The following FIRRM variants were observed in gnomAD, a reference collection of about 807,000 sequenced individuals.
FIRRM encodes the protein FIGNL1 interacting regulator of recombination and mitosis, also known as FIGNL1-interacting regulator of recombination and mitosis.
chr1:169,825,119 C>T, the FIRRM span, among the ~76,000 whole-genome samples: 1 of 152,166 alleles, frequency 6.6e-6, no homozygotes, highest in Non-Finnish European at 1.5e-5. Context: ...CTTCTCATCA[C>T]CTGAACTGCT....
At chr1:169,841,538 C>T in the FIRRM span, among the ~76,000 whole-genome samples, 1 of 152,148 alleles carries the variant, frequency 6.6e-6, no homozygotes, top group African/African-American at 2.4e-5. Context: ...CCCACCACAC[C>T]TCAAACAACC....
chr1:169,843,241 T>A, the FIRRM span, among the ~76,000 whole-genome samples: 1 of 152,242 alleles, frequency 6.6e-6, no homozygotes, highest in African/African-American at 2.4e-5. Flanking sequence ...TTTCCTGATG[T>A]TCACAAATCA....
At chr1:169,799,266 C>T in the FIRRM span, among the ~76,000 whole-genome samples, 1 of 152,212 alleles carries the variant, frequency 6.6e-6, no homozygotes. Context: ...ATGCAGTCTA[C>T]TGAATAGCTA....
At chr1:169,810,834 A>ATTTTTTTTTTTTTT in the FIRRM span, among the ~76,000 whole-genome samples, 18 of 61,208 alleles carry the variant, frequency 2.9e-4, 3 homozygotes, top group Non-Finnish European at 3.8e-4. Flanking sequence ...TTAGCCCCCA[A>ATTTTTTTTTTTTTT]TTTTTTTTTT....
chr1:169,812,594 A>G, the FIRRM span, among the ~76,000 whole-genome samples: 12 of 152,306 alleles, frequency 7.9e-5, no homozygotes, highest in South Asian at 2.1e-3. Context: ...GTGGTGACCC[A>G]TGGCTGTAAT....
chr1:169,843,287 T>G, the FIRRM span, among the ~76,000 whole-genome samples: 1 of 152,334 alleles, frequency 6.6e-6, no homozygotes, highest in African/African-American at 2.4e-5. Context: ...GCTGGAGATA[T>G]AGCTTACAAT....
chr1:169,837,331 T>C, the FIRRM span, among the ~76,000 whole-genome samples: 4 of 152,238 alleles, frequency 2.6e-5, no homozygotes, highest in African/African-American at 9.6e-5. Flanking sequence ...TTGTTTCCTA[T>C]GTCGCTTAAG....
At chr1:169,843,876 G>T in the FIRRM span, 1 of 676,362 alleles carries the variant, frequency 1.5e-6, no homozygotes, top group Admixed American at 2.4e-5. Context: ...TCCTCTTGTT[G>T]TGTCATATAT....
At chr1:169,853,199 G>A in the FIRRM span, 3 of 574,860 alleles carry the variant, frequency 5.2e-6, no homozygotes, top group East Asian at 2.9e-5. Context: ...GAACTGCCTA[G>A]GTCCACAAAG....
the FIRRM span, chr1:169,836,842 A>G: frequency 1.1e-6 from 1 of 922,766 alleles, no homozygotes; most frequent in Middle Eastern, 2.5e-4. Flanking sequence ...GAAATATTAA[A>G]TGTGGAAACT....
chr1:169,787,172 GGTGCAGT>G, the FIRRM span, among the ~76,000 whole-genome samples: 12 of 152,192 alleles, frequency 7.9e-5, no homozygotes, highest in East Asian at 5.8e-4. Flanking sequence ...TTCCCTGCAG[GGTGCAGT>G]GTGCAGTGTG....
chr1:169,794,441 A>G, the FIRRM span, among the ~76,000 whole-genome samples: 1 of 152,332 alleles, frequency 6.6e-6, no homozygotes, highest in South Asian at 2.1e-4. Flanking sequence ...TAATTTGGCA[A>G]TAATTAGTAA....
chr1:169,818,812 AAGT>A, the FIRRM span, among the ~76,000 whole-genome samples: 2 of 152,078 alleles, frequency 1.3e-5, no homozygotes, highest in Admixed American at 1.3e-4. Flanking sequence ...TCAGCCTCCC[AAGT>A]AGCTGGGATT....
At chr1:169,837,008 C>T in the FIRRM span, 2 of 1,613,900 alleles carry the variant, frequency 1.2e-6, no homozygotes, top group Non-Finnish European at 1.7e-6. Context: ...GGCGTTACCT[C>T]CTGAGCTTAG....
At chr1:169,811,631 G>C in the FIRRM span, among the ~76,000 whole-genome samples, 4 of 152,060 alleles carry the variant, frequency 2.6e-5, no homozygotes, top group Non-Finnish European at 2.9e-5. Flanking sequence ...CTCCAGCTTG[G>C]ACAACAGAGT....
chr1:169,793,614 C>T, the FIRRM span: 4 of 1,614,144 alleles, frequency 2.5e-6, no homozygotes, highest in South Asian at 2.2e-5. Context: ...TTTGAGGAAT[C>T]CAGGGTCAAA....
chr1:169,802,898 T>C, the FIRRM span, among the ~76,000 whole-genome samples: 1 of 152,110 alleles, frequency 6.6e-6, no homozygotes, highest in Non-Finnish European at 1.5e-5. Flanking sequence ...TAAACTCTTA[T>C]AAGAAGAGAA....
the FIRRM span, chr1:169,829,281 C>T: frequency 1.8e-5 from 28 of 1,581,292 alleles, no homozygotes; most frequent in Admixed American, 5.6e-5. Flanking sequence ...TACTCAAAGC[C>T]GTTTTCTACA....
the FIRRM span, among the ~76,000 whole-genome samples, chr1:169,828,387 T>C: frequency 6.6e-6 from 1 of 152,178 alleles, no homozygotes; most frequent in Non-Finnish European, 1.5e-5. Flanking sequence ...CTTCTCAGCT[T>C]TGGATTTAAA....
Sources: allele counts gnomAD v4.1 joint callset (sites outside exome capture counted in the v4.1 genomes callset), GRCh38; gene constraint gnomAD v4.1.1; transcripts MANE v1.5; gene names NCBI Gene and HGNC (gene_info 2026-07-23, HGNC 2026-07-21).